HLF: variants seen among roughly 807,000 people sequenced by gnomAD.
The protein encoded by HLF is hepatic leukemia factor.
HLF carries 3 observed loss-of-function variants against 22.6 expected under a neutral mutation model. The observed-to-expected ratio is 0.13, with a 90% CI of 0.06 to 0.34. HLF has a LOEUF of 0.34. Ranked by LOEUF, HLF falls within the 10% of genes least tolerant of loss-of-function variation. HLF has a pLI of 1.00. For synonymous variants in HLF, 151 were observed against 151.8 expected (o/e 0.99, Z 0.04); for missense variants, 299 against 389.2 (o/e 0.77, Z 1.95).
intron 3 of HLF, among the ~76,000 whole-genome samples, chr17:55,316,078 C>G (rs36110303): frequency 0.035 from 5,361 of 152,268 alleles, 167 homozygotes; most frequent in African/African-American, 0.082. Flanking sequence ...GAAGGGACAC[C>G]TTATTTATAA....
intron 3 of HLF, among the ~76,000 whole-genome samples, chr17:55,317,978 A>G (rs1905132716): frequency 6.6e-6 from 1 of 152,120 alleles, no homozygotes; most frequent in Non-Finnish European, 1.5e-5. Flanking sequence ...GTGTGTGCCA[A>G]CCCTCTAACC....
rs997538938 is a variant in HLF, at chr17:55,323,108, A to G, written c.*2229A>G. The G allele has an allele frequency of 4.6e-6, 1 of 219,056 alleles. No individual in the cohort carries two copies. The highest frequency in any genetic ancestry group is 5.8e-5 in the Admixed American group (1 of 17,322). The allele number at this position is 219,056 out of a possible 1,614,324, so 13.6% of individuals were successfully genotyped here. On this transcript the variant is annotated 3_prime_UTR_variant, in exon 4 of 4. Transcript: ENST00000226067. Reference sequence around the variant, plus strand: ...AGACTTGGGAAACCCAACCAGTAGGATATTTCTACAAGGTGTTCATTTTGT... The same window carrying G: ...AGACTTGGGAAACCCAACCAGTAGGGTATTTCTACAAGGTGTTCATTTTGT...
chr17:55,281,844 TCA>T, intron 2 of HLF, among the ~76,000 whole-genome samples: 1 of 152,298 alleles, frequency 6.6e-6, no homozygotes, highest in Non-Finnish European at 1.5e-5. Context: ...TGGGCATATC[TCA>T]GTGGCCAAAA....
intron 2 of HLF, among the ~76,000 whole-genome samples, chr17:55,305,459 A>G (rs1251198902): frequency 3.3e-5 from 5 of 152,176 alleles, no homozygotes; most frequent in Non-Finnish European, 2.9e-5. Context: ...ACTCTTGTCC[A>G]GGAACCTATT....
At chr17:55,274,413 A>G (rs979032337) in intron 2 of HLF, among the ~76,000 whole-genome samples, 7 of 152,174 alleles carry the variant, frequency 4.6e-5, no homozygotes, top group African/African-American at 1.4e-4. Flanking sequence ...TATTGATTAT[A>G]GTATTTGGCC....
At chr17:55,275,218 C>T (rs939798753) in intron 2 of HLF, among the ~76,000 whole-genome samples, 1 of 152,196 alleles carries the variant, frequency 6.6e-6, no homozygotes, top group African/African-American at 2.4e-5. Flanking sequence ...ACCTCAGCCT[C>T]CCAAGTAGCT....
intron 2 of HLF, among the ~76,000 whole-genome samples, chr17:55,290,752 AT>A: frequency 6.6e-6 from 1 of 152,340 alleles, no homozygotes; most frequent in Middle Eastern, 3.4e-3. Context: ...AGTAAGCTTA[AT>A]TTTGAAGGTA....
intron 2 of HLF, among the ~76,000 whole-genome samples, chr17:55,283,156 A>G (rs1396396860): frequency 6.6e-6 from 1 of 152,102 alleles, no homozygotes; most frequent in Non-Finnish European, 1.5e-5. Context: ...ACAGAAGGAA[A>G]CACCCCAGGG....
intron 2 of HLF, among the ~76,000 whole-genome samples, chr17:55,279,198 A>G (rs2080931883): frequency 6.6e-6 from 1 of 152,208 alleles, no homozygotes; most frequent in African/African-American, 2.4e-5. Flanking sequence ...TTATAAGTGA[A>G]ATTTACCCAA....
chr17:55,285,507 C>T (rs2080996039), intron 2 of HLF, among the ~76,000 whole-genome samples: 1 of 152,250 alleles, frequency 6.6e-6, no homozygotes, highest in South Asian at 2.1e-4. Flanking sequence ...AGTGTGCCAG[C>T]AGCTGCAGTC....
intron 2 of HLF, among the ~76,000 whole-genome samples, chr17:55,277,288 T>C (rs1380873180): frequency 7.6e-6 from 1 of 131,210 alleles, no homozygotes; most frequent in Non-Finnish European, 1.6e-5. Context: ...CGCGCATGTG[T>C]ACGTGGGCAT....
rs1354049996 is a variant in HLF, at chr17:55,281,126, A to C, written c.451+13040A>C. Among the ~76,000 whole-genome samples, 7 of 152,236 alleles carry C rather than the reference A, an allele frequency of 4.6e-5. No individual in the cohort carries two copies. The East Asian group carries it at 1.3e-3, about 29-fold the overall frequency. ...GCAGTCTTGAGGGATTACAAAGTAC[A>C]TCAGCATGAAACTAGGCAAGATTTT... On this transcript the variant is annotated intron_variant, in intron 2 of 3. Coordinates refer to ENST00000226067, the MANE Select transcript of HLF (RefSeq NM_002126.5).
intron 2 of HLF, among the ~76,000 whole-genome samples, chr17:55,285,203 T>C (rs570020391): frequency 1.4e-4 from 21 of 152,316 alleles, no homozygotes; most frequent in South Asian, 4.1e-4. Flanking sequence ...CCAGAAGATA[T>C]ACAGTTTAAC....
At chr17:55,307,955 G>A (rs892908459) in intron 2 of HLF, among the ~76,000 whole-genome samples, 7 of 152,184 alleles carry the variant, frequency 4.6e-5, no homozygotes, top group Non-Finnish European at 8.8e-5. Context: ...GGACTAGGTA[G>A]GCAGAGAGCA....
rs1194948432 is a variant in HLF, at chr17:55,265,529, C to T, written c.45C>T (p.Ile15=). The T allele has an allele frequency of 1.2e-6, 2 of 1,609,878 alleles. No homozygotes were observed. The highest frequency in any genetic ancestry group is 1.3e-5 in the African/African-American group (1 of 74,348). The change falls in exon 1 of 4, where the codon ATC becomes ATT. Residue 15 remains isoleucine, a synonymous_variant. Transcript: ENST00000226067. ...SRPLPLNPTF[I]PPPYGVLRSL... The stretch of plus-strand genomic sequence containing the variant: ...CGCTCCCCCTGAATCCCACCTTTAT[C>T]CCGCCTCCCTACGGCGTGCTCAGGT...
intron 1 of HLF, 133 bp downstream of exon 1, chr17:55,265,732 A>C: frequency 2.7e-6 from 3 of 1,131,246 alleles, no homozygotes; most frequent in Non-Finnish European, 3.5e-6. Context: ...CCCCGCGCTG[A>C]TGAAATTGAG....
At chr17:55,267,096 C>T (rs1358606872) in intron 1 of HLF, among the ~76,000 whole-genome samples, 2 of 152,152 alleles carry the variant, frequency 1.3e-5, no homozygotes, top group Admixed American at 6.5e-5. Flanking sequence ...CATTCTCTGC[C>T]AACATGAGGC....
intron 2 of HLF, among the ~76,000 whole-genome samples, chr17:55,292,891 C>G (rs2081077118): frequency 6.6e-6 from 1 of 152,136 alleles, no homozygotes; most frequent in Non-Finnish European, 1.5e-5. Flanking sequence ...AAGCCATTCA[C>G]AGGAAGACAA....
At position 55,321,727 on chromosome 17, in the gene HLF, T is replaced by C. The variant is rs1905268984; in HGVS notation, c.*848T>C. On this transcript the variant is annotated 3_prime_UTR_variant, in exon 4 of 4. Transcript: ENST00000226067. ...AAAAGTAAAGTAATGCATTTGAGCA[T>C]GGCCAGACTATTCCCTAGGACAAGG... The C allele has an allele frequency of 4.3e-6, 1 of 230,082 alleles. No individual in the cohort carries two copies. The highest frequency in any genetic ancestry group is 5.7e-5 in the Admixed American group (1 of 17,636). 14.3% of individuals were successfully genotyped at this position (230,082 alleles called of 1,614,324 possible).
Sources: gnomAD v4.1 joint callset for allele counts (sites outside exome capture counted in the v4.1 genomes callset) on GRCh38, gnomAD v4.1.1 for gene constraint, MANE v1.5 for transcripts, NCBI Gene and HGNC (gene_info 2026-07-23, HGNC 2026-07-21) for gene names.